The following CMBL variants were observed in gnomAD, a reference collection of about 807,000 sequenced individuals.
CMBL encodes the protein carboxymethylenebutenolidase homolog, also known as carboxymethylenebutenolidase homolog (Pseudomonas).
A neutral mutation model predicts 28.7 loss-of-function variants in CMBL; 17 were observed. The ratio of observed to expected loss-of-function variants is 0.59; its 90% CI spans 0.41 to 0.89. The LOEUF is 0.89. Among genes scored for constraint, CMBL ranks in the 40% least tolerant of loss-of-function variants. CMBL has a pLI of 0.00. For missense variants in CMBL, 310 were observed against 298.5 expected (o/e 1.04, Z -0.28); for synonymous variants, 106 against 101.6 (o/e 1.04, Z -0.26).
intron 1 of CMBL, among the ~76,000 whole-genome samples, chr5:10,296,190 T>C (rs1746805982): frequency 6.6e-6 from 1 of 152,164 alleles, no homozygotes; most frequent in South Asian, 2.1e-4. Flanking sequence ...AAGCTAACCT[T>C]GTATTTTCCC....
chr5:10,296,506 C>G (rs749092329), intron 1 of CMBL, among the ~76,000 whole-genome samples: 153 of 152,286 alleles, frequency 1.0e-3, no homozygotes, highest in Non-Finnish European at 1.6e-3. Flanking sequence ...GTCTCAAACT[C>G]CTGACCTCAG....
chr5:10,293,443 A>C (rs1194808748), intron 1 of CMBL, among the ~76,000 whole-genome samples: 1 of 152,180 alleles, frequency 6.6e-6, no homozygotes, highest in East Asian at 1.9e-4. Context: ...TCTCCATTAT[A>C]AGGACATTCC....
chr5:10,304,100 C>G (rs1323498620), intron 1 of CMBL, among the ~76,000 whole-genome samples: 1 of 152,114 alleles, frequency 6.6e-6, no homozygotes, highest in African/African-American at 2.4e-5. Context: ...GTGGCTCATG[C>G]CTATACTCCC....
Position 10,279,920 on chromosome 5 carries a change from T to C in CMBL, c.*533A>G, listed in dbSNP as rs926396982. 3 of 152,154 alleles carry C rather than the reference T, an allele frequency of 2.0e-5. No homozygotes were observed. Among genetic ancestry groups the C allele is most frequent in the African/African-American group, 7.2e-5 (3 of 41,418 alleles). 9.4% of individuals were successfully genotyped at this position (152,154 alleles called of 1,614,324 possible). ...TCTCCAGGTACTGACCTGGTTTTTA[T>C]TTTATTTATTTATTTATTTACTTAT... is the stretch of plus-strand genomic sequence containing the variant. On this transcript the variant is annotated 3_prime_UTR_variant, in exon 6 of 6. Coordinates refer to ENST00000296658, the MANE Select transcript of CMBL (RefSeq NM_138809.4).
intron 1 of CMBL, among the ~76,000 whole-genome samples, chr5:10,301,071 AT>A (rs1746889995): frequency 6.6e-6 from 1 of 152,044 alleles, no homozygotes. Context: ...CATTAGGACA[AT>A]TGGTTACCGG....
At chr5:10,300,918 T>C (rs1173287962) in intron 1 of CMBL, among the ~76,000 whole-genome samples, 1 of 150,578 alleles carries the variant, frequency 6.6e-6, no homozygotes, top group Admixed American at 6.6e-5. Context: ...GACATAATGC[T>C]ATGTAAAAAG....
chr5:10,292,831 A>AAAG, intron 1 of CMBL, among the ~76,000 whole-genome samples: 1 of 151,438 alleles, frequency 6.6e-6, no homozygotes, highest in East Asian at 1.9e-4. Context: ...TCTCACAAAA[A>AAAG]AAAAAAAAAA....
At chr5:10,290,124 A>T (rs1019007977) in intron 2 of CMBL, among the ~76,000 whole-genome samples, 2 of 152,222 alleles carry the variant, frequency 1.3e-5, no homozygotes, top group African/African-American at 4.8e-5. Flanking sequence ...CCGTACGTGT[A>T]TGGACCAGGA....
intron 1 of CMBL, among the ~76,000 whole-genome samples, chr5:10,306,387 G>A (rs1031769008): frequency 6.6e-6 from 1 of 152,196 alleles, no homozygotes; most frequent in Non-Finnish European, 1.5e-5. Flanking sequence ...GAGGAGGGAG[G>A]TCTGGGGGAA....
At chr5:10,304,201 A>C (rs1746959369) in intron 1 of CMBL, among the ~76,000 whole-genome samples, 4 of 151,954 alleles carry the variant, frequency 2.6e-5, no homozygotes, top group Admixed American at 2.6e-4. Flanking sequence ...TCTCTACAAA[A>C]AAAAAAAAAA....
At chr5:10,282,310 A>G (rs1348570902) in intron 4 of CMBL, 22 bp from the exon 5 acceptor site, 1 of 1,372,880 alleles carries the variant, frequency 7.3e-7, no homozygotes, top group African/African-American at 1.4e-5. Flanking sequence ...GCACAGAGGC[A>G]TGATGTCTGA....
At chr5:10,282,881 G>A (rs1746521907) in intron 4 of CMBL, among the ~76,000 whole-genome samples, 1 of 152,036 alleles carries the variant, frequency 6.6e-6, no homozygotes, top group South Asian at 2.1e-4. Flanking sequence ...CATGAGGTCA[G>A]GAGTCCGAGA....
intron 1 of CMBL, among the ~76,000 whole-genome samples, chr5:10,302,591 C>T (rs925087255): frequency 2.0e-5 from 3 of 150,548 alleles, no homozygotes; most frequent in African/African-American, 7.3e-5. Flanking sequence ...TGCAGCGAGA[C>T]TCTGTCTCAA....
chr5:10,283,850 A>G (rs1746548396), intron 4 of CMBL, among the ~76,000 whole-genome samples: 1 of 152,276 alleles, frequency 6.6e-6, no homozygotes, highest in African/African-American at 2.4e-5. Context: ...TGCCTGACCC[A>G]GGTTGTCTGA....
At chr5:10,285,805 T>C (rs116432672) in intron 4 of CMBL, among the ~76,000 whole-genome samples, 8,843 of 151,094 alleles carry the variant, frequency 0.059, 358 homozygotes, top group South Asian at 0.12. Flanking sequence ...CTCAAGCGAT[T>C]TTCCCACCTC....
chr5:10,290,834 A>C, intron 1 of CMBL, 53 bp from the exon 2 acceptor site: 1 of 1,343,220 alleles, frequency 7.4e-7, no homozygotes, highest in Admixed American at 1.8e-5. Context: ...TCTAAAGGCT[A>C]TAAATGGTAA....
chr5:10,303,980 T>C (rs1267795761), intron 1 of CMBL, among the ~76,000 whole-genome samples: 1 of 152,212 alleles, frequency 6.6e-6, no homozygotes, highest in African/African-American at 2.4e-5. Context: ...AATACCACCC[T>C]TGGATCATGC....
At chr5:10,294,732 C>G (rs1214316669) in intron 1 of CMBL, among the ~76,000 whole-genome samples, 1 of 152,200 alleles carries the variant, frequency 6.6e-6, no homozygotes, top group Non-Finnish European at 1.5e-5. Context: ...CAAGTGTGGA[C>G]AGATTTTACG....
intron 1 of CMBL, among the ~76,000 whole-genome samples, chr5:10,295,299 G>A (rs1043935644): frequency 2.6e-5 from 4 of 152,142 alleles, no homozygotes; most frequent in African/African-American, 9.7e-5. Flanking sequence ...GGCCAGGCTG[G>A]TCTCAAACTC....
Sources: allele counts gnomAD v4.1 joint callset (sites outside exome capture counted in the v4.1 genomes callset), GRCh38; gene constraint gnomAD v4.1.1; transcripts MANE v1.5; gene names NCBI Gene and HGNC (gene_info 2026-07-23, HGNC 2026-07-21).